SETD3: variants seen among roughly 807,000 people sequenced by gnomAD.
The protein encoded by SETD3 is actin-histidine N-methyltransferase.
Under a neutral mutation model 63.0 loss-of-function variants are expected in SETD3, and 19 were observed. That is an observed-to-expected ratio of 0.30 (90% CI 0.21 to 0.44). The LOEUF is 0.44. Ranked by LOEUF, SETD3 falls within the 20% of genes least tolerant of loss-of-function variation. The probability of loss-of-function intolerance (pLI) is 1.00; values close to 1 mark genes in which losing one functional copy is unlikely to be tolerated. For synonymous variants in SETD3, 286 were observed against 264.1 expected (o/e 1.08, Z -0.80); for missense variants, 587 against 728.5 (o/e 0.81, Z 2.24).
At chr14:99,446,815 G>C (rs531370800) in intron 6 of SETD3, among the ~76,000 whole-genome samples, 1 of 152,072 alleles carries the variant, frequency 6.6e-6, no homozygotes, top group Non-Finnish European at 1.5e-5. Flanking sequence ...CCCGAGGGCA[G>C]GATGCAGATG....
chr14:99,461,384 C>T lies in SETD3; in HGVS notation c.197-44G>A, dbSNP rs1595253938. The T allele has an allele frequency of 4.4e-6, 7 of 1,585,142 alleles. 1 individual carries two copies. In the Admixed American group the frequency reaches 1.1e-4, roughly 24 times the overall value. ...TAGAAAACAAGAGCTACTTTTAGGA[C>T]ACATATCATTCACACGTCTCTCAGA... is the stretch of plus-strand genomic sequence containing the variant. On this transcript the variant is annotated intron_variant, in intron 3 of 12. Coordinates refer to ENST00000331768, the MANE Select transcript of SETD3 (RefSeq NM_032233.3).
intron 6 of SETD3, among the ~76,000 whole-genome samples, chr14:99,426,069 A>T (rs535354836): frequency 2.6e-5 from 4 of 152,242 alleles, no homozygotes; most frequent in East Asian, 3.9e-4. Flanking sequence ...AAACATACAC[A>T]TTTTCACAAC....
chr14:99,463,389 C>A (rs1339304059), intron 3 of SETD3, 97 bp downstream of exon 3: 2 of 867,992 alleles, frequency 2.3e-6, no homozygotes, highest in African/African-American at 3.3e-5. Flanking sequence ...AGAGTGACAC[C>A]AATGATGCTG....
intron 11 of SETD3, among the ~76,000 whole-genome samples, chr14:99,403,455 ACTCTCTCTCTCTCTCTCTCT>A (rs55804663): frequency 1.5e-5 from 2 of 135,456 alleles, no homozygotes; most frequent in South Asian, 2.3e-4. Context: ...ACACACACAC[ACTCTCTCTCTCTCTCTCTCT>A]CTCTCTCTCT....
At chr14:99,410,998 A>C (rs1421369854) in intron 8 of SETD3, among the ~76,000 whole-genome samples, 1 of 152,224 alleles carries the variant, frequency 6.6e-6, no homozygotes, top group East Asian at 1.9e-4. Flanking sequence ...TCAAGACTTT[A>C]TTTTTAAAAA....
At chr14:99,410,361 T>C in intron 8 of SETD3, 1 of 1,153,924 alleles carries the variant, frequency 8.7e-7, no homozygotes, top group Non-Finnish European at 1.2e-6. Context: ...TGTTTTAGAT[T>C]TTTTTTTCAA....
chr14:99,475,367 G>C (rs559193850), intron 1 of SETD3, among the ~76,000 whole-genome samples: 1 of 152,378 alleles, frequency 6.6e-6, no homozygotes, highest in African/African-American at 2.4e-5. Context: ...AGGACAGAGA[G>C]AGCGTGTTAT....
intron 6 of SETD3, among the ~76,000 whole-genome samples, chr14:99,452,604 C>T (rs1368715711): frequency 6.6e-6 from 1 of 152,210 alleles, no homozygotes; most frequent in Non-Finnish European, 1.5e-5. Flanking sequence ...GAGAAATCGA[C>T]ACAAAGAGAT....
chr14:99,417,148 C>T (rs1026807847), intron 6 of SETD3, among the ~76,000 whole-genome samples: 3 of 152,054 alleles, frequency 2.0e-5, no homozygotes, highest in African/African-American at 7.2e-5. Context: ...ATTAAAGTTC[C>T]GTCTTGAACT....
intron 11 of SETD3, among the ~76,000 whole-genome samples, chr14:99,400,726 T>A (rs1320263191): frequency 2.0e-5 from 3 of 152,136 alleles, no homozygotes; most frequent in African/African-American, 7.2e-5. Flanking sequence ...TAAATCTGAT[T>A]GGCACTTATT....
At chr14:99,430,867 G>GT (rs1158552434) in intron 6 of SETD3, among the ~76,000 whole-genome samples, 1 of 152,244 alleles carries the variant, frequency 6.6e-6, no homozygotes, top group African/African-American at 2.4e-5. Flanking sequence ...GGACTGGTCA[G>GT]TATGTGCAGA....
In SETD3 at chr14:99,400,158, A is replaced by G. The variant is rs1298121604; in HGVS notation, c.1279T>C (p.Trp427Arg). ...GAGGCTCTATCTTCAAGAAATGTCC[A>G]AAGTTTGACCTCGTTGTCCCAGCTA... ...PVSWDNEVKLWTFLEDRASLL... is the reference protein window; with the variant it reads ...PVSWDNEVKLRTFLEDRASLL... Residue 427 changes from tryptophan to arginine, a missense_variant, in exon 12 of 13, where the codon TGG becomes CGG. Coordinates refer to ENST00000331768, the MANE Select transcript of SETD3 (RefSeq NM_032233.3). 1.9e-6 allele frequency: 3 copies of G among 1,614,188 alleles called. No individual in the cohort carries two copies. The Admixed American group carries it at 5.0e-5, about 27-fold the overall frequency.
intron 6 of SETD3, among the ~76,000 whole-genome samples, chr14:99,433,472 C>CTGTTTT (rs1053151986): frequency 2.6e-5 from 4 of 151,536 alleles, no homozygotes; most frequent in Non-Finnish European, 5.9e-5. Flanking sequence ...GAGTCTCACT[C>CTGTTTT]TGTTGTCCAG....
chr14:99,463,925 A>G (rs774180948), intron 2 of SETD3, among the ~76,000 whole-genome samples: 60 of 152,238 alleles, frequency 3.9e-4, no homozygotes, highest in Non-Finnish European at 5.4e-4. Flanking sequence ...TAAAATGCAA[A>G]CTATCCCCCC....
At chr14:99,404,336 G>A (rs1891561834) in intron 10 of SETD3, 26 bp from the exon 11 acceptor site, 2 of 1,606,990 alleles carry the variant, frequency 1.2e-6, no homozygotes, top group Non-Finnish European at 1.7e-6. Context: ...AGCAAGATCA[G>A]TCACCCTGCT....
At chr14:99,426,598 T>C (rs781088761) in intron 6 of SETD3, among the ~76,000 whole-genome samples, 4 of 152,204 alleles carry the variant, frequency 2.6e-5, no homozygotes, top group African/African-American at 4.8e-5. Flanking sequence ...CTGATAAATA[T>C]GAACTGACTC....
chr14:99,446,024 G>A (rs1272512147), intron 6 of SETD3, among the ~76,000 whole-genome samples: 1 of 152,236 alleles, frequency 6.6e-6, no homozygotes, highest in Non-Finnish European at 1.5e-5. Context: ...AACGGGACAG[G>A]CCTGTGGAGA....
chr14:99,411,212 AAT>A (rs1445973032), intron 8 of SETD3: 1 of 152,238 alleles, frequency 6.6e-6, no homozygotes, highest in Non-Finnish European at 1.5e-5. Flanking sequence ...ACAGGTTAGC[AAT>A]GTTTCTGCCA....
chr14:99,407,412 T>TA (rs1310958983), intron 8 of SETD3, among the ~76,000 whole-genome samples: 3 of 152,252 alleles, frequency 2.0e-5, no homozygotes, highest in Admixed American at 6.5e-5. Flanking sequence ...TGCATGGCTA[T>TA]AGTCCTTATT....
Sources: allele counts gnomAD v4.1 joint callset (sites outside exome capture counted in the v4.1 genomes callset), GRCh38; gene constraint gnomAD v4.1.1; transcripts MANE v1.5; gene names NCBI Gene and HGNC (gene_info 2026-07-23, HGNC 2026-07-21).